The following PCCA variants were observed in gnomAD, a reference collection of about 807,000 sequenced individuals.
The protein encoded by PCCA is propionyl-CoA carboxylase subunit alpha.
PCCA carries 74 observed loss-of-function variants against 101.3 expected under a neutral mutation model. The ratio of observed to expected loss-of-function variants is 0.73; its 90% confidence interval spans 0.61 to 0.89. The LOEUF is 0.89. PCCA is among the 40% of genes least tolerant of loss of function. The pLI is 0.00. For synonymous variants in PCCA, 294 were observed against 313.6 expected (o/e 0.94, Z 0.66); for missense variants, 891 against 907.0 (o/e 0.98, Z 0.23).
intron 22 of PCCA, among the ~76,000 whole-genome samples, chr13:100,517,673 T>A (rs1206263454): frequency 2.6e-5 from 4 of 152,156 alleles, no homozygotes; most frequent in African/African-American, 4.8e-5. Context: ...CGGGGGCTGC[T>A]CAGGTGGGGC....
chr13:100,438,388 A>G (rs2080099974), intron 20 of PCCA, among the ~76,000 whole-genome samples: 1 of 151,956 alleles, frequency 6.6e-6, no homozygotes, highest in Non-Finnish European at 1.5e-5. Context: ...TCCAGTGATC[A>G]TCCCGCCTCT....
intron 19 of PCCA, among the ~76,000 whole-genome samples, chr13:100,424,139 A>C (rs917850132): frequency 1.3e-5 from 2 of 152,174 alleles, no homozygotes; most frequent in African/African-American, 4.8e-5. Flanking sequence ...GAGGATAACA[A>C]CTATTTAGAT....
chr13:100,525,002 T>A (rs2087655536), intron 22 of PCCA, among the ~76,000 whole-genome samples: 1 of 151,150 alleles, frequency 6.6e-6, no homozygotes, highest in African/African-American at 2.5e-5. Flanking sequence ...GATAGATAGA[T>A]AGATAGATAG....
chr13:100,272,846 A>G (rs9518037), intron 11 of PCCA, among the ~76,000 whole-genome samples: 64,243 of 152,032 alleles, frequency 0.42, 15,525 homozygotes, highest in South Asian at 0.65. Context: ...TTAGATACTA[A>G]TAAGTTATTT....
chr13:100,111,008 T>TAA, intron 2 of PCCA, among the ~76,000 whole-genome samples: 1 of 151,676 alleles, frequency 6.6e-6, no homozygotes, highest in Non-Finnish European at 1.5e-5. Flanking sequence ...TTTTTGTATT[T>TAA]AAATTATTTA....
chr13:100,393,500 C>T (rs1344247934), intron 19 of PCCA, among the ~76,000 whole-genome samples: 1 of 145,460 alleles, frequency 6.9e-6, no homozygotes, highest in Non-Finnish European at 1.5e-5. Context: ...CCCACTGCAA[C>T]CTCTGCCTCC....
chr13:100,272,791 T>C (rs1298675015), intron 11 of PCCA, among the ~76,000 whole-genome samples: 5 of 152,188 alleles, frequency 3.3e-5, no homozygotes, highest in Non-Finnish European at 5.9e-5. Flanking sequence ...AGTAGGCAGA[T>C]TTGTAAATAT....
At chr13:100,211,510 A>G (rs1236310339) in intron 7 of PCCA, among the ~76,000 whole-genome samples, 2 of 152,136 alleles carry the variant, frequency 1.3e-5, no homozygotes, top group African/African-American at 4.8e-5. Flanking sequence ...TACTTCTCTC[A>G]TGAGATACTC....
chr13:100,210,569 A>G (rs187791628), intron 7 of PCCA, among the ~76,000 whole-genome samples: 1 of 152,338 alleles, frequency 6.6e-6, no homozygotes, highest in Admixed American at 6.5e-5. Context: ...TATTGCAAAC[A>G]TTTAGCAAGG....
At position 100,515,470 on chromosome 13, in the gene PCCA, A is replaced by C. The variant is rs1489785929; in HGVS notation, c.1943A>C (p.Lys648Thr). The change falls in exon 22 of 24, where the codon AAA (lysine) becomes ACA (threonine). Residue 648 changes from lysine (K) to threonine (T), a missense_variant. Transcript: ENST00000376285. ...ACCAGACTTGCCGCAGAATTGAACAAATTTATGCTGGAAAAAGTGACTGAG... is the reference window on the plus strand; with the variant it reads ...ACCAGACTTGCCGCAGAATTGAACACATTTATGCTGGAAAAAGTGACTGAG... ...ILTRLAAELNKFMLEKVTEDT... is the reference protein window; with the variant it reads ...ILTRLAAELNTFMLEKVTEDT... The C allele has an allele frequency of 1.1e-5, 17 of 1,614,114 alleles. No individual in the cohort carries two copies. The highest frequency in any genetic ancestry group is 1.4e-5 in the Non-Finnish European group (17 of 1,179,994).
chr13:100,112,077 C>T lies in PCCA; in HGVS notation c.300+16C>T. On this transcript the variant is annotated intron_variant, in intron 4 of 23. Transcript: ENST00000376285. ...TGCTAGTTCTGTAAGTATATTTTTG[C>T]TTTGTTTAAATCAGGACTTAATTTT... 1 of 1,599,782 alleles carries T rather than the reference C, an allele frequency of 6.3e-7. No homozygotes were observed. Among genetic ancestry groups the T allele is most frequent in the Non-Finnish European group, 8.6e-7 (1 of 1,169,028 alleles).
chr13:100,260,734 A>G (rs1262830477), intron 9 of PCCA, among the ~76,000 whole-genome samples: 1 of 152,128 alleles, frequency 6.6e-6, no homozygotes, highest in Non-Finnish European at 1.5e-5. Context: ...GGTGGACTGT[A>G]GGATTAAATG....
chr13:100,441,517 T>G (rs2080365865), intron 20 of PCCA, among the ~76,000 whole-genome samples: 1 of 152,248 alleles, frequency 6.6e-6, no homozygotes, highest in African/African-American at 2.4e-5. Context: ...TTTGTATGAA[T>G]TTGATTCTAA....
intron 4 of PCCA, among the ~76,000 whole-genome samples, chr13:100,115,978 A>G (rs1329757733): frequency 6.6e-6 from 1 of 152,186 alleles, no homozygotes; most frequent in Non-Finnish European, 1.5e-5. Flanking sequence ...CAGGATAATG[A>G]TGGTGGGAAT....
chr13:100,244,400 A>T (rs1428036117), intron 8 of PCCA, among the ~76,000 whole-genome samples: 1 of 152,182 alleles, frequency 6.6e-6, no homozygotes, highest in African/African-American at 2.4e-5. Flanking sequence ...GGGTTTAAGC[A>T]TAATTTCACA....
chr13:100,334,379 A>G, intron 17 of PCCA, among the ~76,000 whole-genome samples: 1 of 152,160 alleles, frequency 6.6e-6, no homozygotes, highest in East Asian at 1.9e-4. Flanking sequence ...TTTGTTAAGC[A>G]TTTACCAGCA....
At chr13:100,111,176 T>A (rs1208497163) in intron 2 of PCCA, among the ~76,000 whole-genome samples, 31 of 129,586 alleles carry the variant, frequency 2.4e-4, no homozygotes, top group Admixed American at 9.3e-4. Context: ...TAGACCCAGC[T>A]CCTTTTTTTT....
chr13:100,178,935 G>C (rs1594563953), intron 6 of PCCA, among the ~76,000 whole-genome samples: 1 of 151,814 alleles, frequency 6.6e-6, no homozygotes, highest in South Asian at 2.1e-4. Context: ...ATATTAGCTG[G>C]GCGTGGTGGC....
At chr13:100,311,158 G>T (rs1463556181) in intron 16 of PCCA, among the ~76,000 whole-genome samples, 1 of 151,806 alleles carries the variant, frequency 6.6e-6, no homozygotes, top group Admixed American at 6.6e-5. Flanking sequence ...GCTTGAACCC[G>T]GGAGGCTTAG....
Sources: allele counts gnomAD v4.1 joint callset (sites outside exome capture counted in the v4.1 genomes callset), GRCh38; gene constraint gnomAD v4.1.1; transcripts MANE v1.5; gene names NCBI Gene and HGNC (gene_info 2026-07-23, HGNC 2026-07-21).